The following KHDRBS2 variants were observed in gnomAD, a reference collection of about 807,000 sequenced individuals.
The protein encoded by KHDRBS2 is KH RNA binding domain containing, signal transduction associated 2.
KHDRBS2 carries 26 observed loss-of-function variants against 44.3 expected under a neutral mutation model. That is an observed-to-expected ratio of 0.59 (90% CI 0.43 to 0.81). The LOEUF (loss-of-function observed/expected upper bound fraction) is 0.81. Among genes scored for constraint, KHDRBS2 ranks in the 40% least tolerant of loss-of-function variants. The pLI is 0.00. For synonymous variants in KHDRBS2, 194 were observed against 151.1 expected (o/e 1.28, Z -2.08); for missense variants, 476 against 433.1 (o/e 1.10, Z -0.88).
intron 6 of KHDRBS2, among the ~76,000 whole-genome samples, chr6:61,873,532 G>A (rs533893818): frequency 2.0e-5 from 3 of 151,284 alleles, no homozygotes; most frequent in South Asian, 2.1e-4. Context: ...TATCTGCCTA[G>A]AAGAACAATT....
chr6:62,081,718 T>C (rs1424833328), intron 2 of KHDRBS2, among the ~76,000 whole-genome samples: 2 of 152,138 alleles, frequency 1.3e-5, no homozygotes, highest in Admixed American at 6.6e-5. Context: ...TATAAAACTA[T>C]GCAATTAAAT....
At chr6:61,648,112 C>T in the KHDRBS2 span, among the ~76,000 whole-genome samples, 13 of 151,972 alleles carry the variant, frequency 8.6e-5, no homozygotes, top group African/African-American at 2.9e-4. Flanking sequence ...CCTATTTTTT[C>T]TTTTATTTTA....
At chr6:62,122,679 T>C (rs1294000628) in intron 2 of KHDRBS2, among the ~76,000 whole-genome samples, 1 of 152,092 alleles carries the variant, frequency 6.6e-6, no homozygotes, top group African/African-American at 2.4e-5. Context: ...GAGTGGTGTC[T>C]GCATACGTGG....
intron 4 of KHDRBS2, among the ~76,000 whole-genome samples, chr6:61,909,940 C>T (rs1805746040): frequency 6.6e-6 from 1 of 152,166 alleles, no homozygotes; most frequent in East Asian, 1.9e-4. Flanking sequence ...CCACTGGTAA[C>T]ATGTGAACAT....
chr6:61,887,628 A>T (rs1801161700), intron 6 of KHDRBS2, among the ~76,000 whole-genome samples: 1 of 152,188 alleles, frequency 6.6e-6, no homozygotes, highest in Non-Finnish European at 1.5e-5. Flanking sequence ...TGTGGTCAGA[A>T]ATTTAATGCT....
the KHDRBS2 span, among the ~76,000 whole-genome samples, chr6:61,564,422 T>G: frequency 6.6e-6 from 1 of 152,242 alleles, no homozygotes; most frequent in African/African-American, 2.4e-5. Context: ...TGGGGCCAGC[T>G]TTACATGGCC....
chr6:61,586,748 C>T, the KHDRBS2 span, among the ~76,000 whole-genome samples: 3 of 151,942 alleles, frequency 2.0e-5, no homozygotes, highest in African/African-American at 7.2e-5. Context: ...AAGAATAAAG[C>T]CAGCCCAGAA....
chr6:61,571,546 C>T, the KHDRBS2 span, among the ~76,000 whole-genome samples: 1 of 151,840 alleles, frequency 6.6e-6, no homozygotes, highest in Non-Finnish European at 1.5e-5. Context: ...TGAAACTATA[C>T]CCTAGAAAAA....
chr6:62,035,826 G>A (rs1785183734), intron 3 of KHDRBS2, among the ~76,000 whole-genome samples: 1 of 151,940 alleles, frequency 6.6e-6, no homozygotes, highest in Admixed American at 6.6e-5. Flanking sequence ...TAACAGCGTG[G>A]CTCTGGTCAT....
the KHDRBS2 span, among the ~76,000 whole-genome samples, chr6:61,664,364 C>G: frequency 1.6e-4 from 24 of 151,452 alleles, no homozygotes; most frequent in African/African-American, 5.6e-4. Flanking sequence ...CTAATATATC[C>G]AAATACTGGG....
At chr6:61,764,660 G>A (rs1779736153) in intron 6 of KHDRBS2, among the ~76,000 whole-genome samples, 1 of 151,928 alleles carries the variant, frequency 6.6e-6, no homozygotes, top group South Asian at 2.1e-4. Flanking sequence ...ATGTTTGTTT[G>A]CTGTATATAT....
intron 6 of KHDRBS2, among the ~76,000 whole-genome samples, chr6:61,815,306 A>G (rs1788744168): frequency 6.6e-6 from 1 of 152,176 alleles, no homozygotes; most frequent in East Asian, 1.9e-4. Flanking sequence ...CATACAATTT[A>G]AAACTTAACA....
chr6:62,091,867 C>A (rs1584640034), intron 2 of KHDRBS2, among the ~76,000 whole-genome samples: 1 of 152,076 alleles, frequency 6.6e-6, no homozygotes, highest in South Asian at 2.1e-4. Context: ...GTAAAGCATT[C>A]AGAACAGTGA....
At chr6:61,937,570 A>G (rs1811266771) in intron 4 of KHDRBS2, among the ~76,000 whole-genome samples, 1 of 151,990 alleles carries the variant, frequency 6.6e-6, no homozygotes, top group Non-Finnish European at 1.5e-5. Flanking sequence ...CTTCTACTAT[A>G]TGAGTATCGG....
intron 3 of KHDRBS2, among the ~76,000 whole-genome samples, chr6:62,029,737 T>C (rs1221671586): frequency 6.6e-6 from 1 of 151,970 alleles, no homozygotes; most frequent in Non-Finnish European, 1.5e-5. Flanking sequence ...TTAGAAGACC[T>C]GTAGATTTTC....
rs1356268718 is a variant in KHDRBS2 at position 61,955,528 on chromosome 6, A to G, written c.483+22538T>C. Among the ~76,000 whole-genome samples the G allele has an allele frequency of 4.9e-5, 2 of 40,922 alleles. 1 individual carries two copies. The highest frequency in any genetic ancestry group is 2.4e-4 in the African/African-American group (2 of 8,266). 26.8% of individuals were successfully genotyped at this position (40,922 alleles called of 152,430 possible). ...TATATACACATATGTATGTATGTAT[A>G]CATGTGTATATATACACATATGTAT... On this transcript the variant is annotated intron_variant, in intron 4 of 8. Transcript: ENST00000281156.
chr6:61,574,415 A>C, the KHDRBS2 span: 5 of 1,518,056 alleles, frequency 3.3e-6, no homozygotes, highest in Non-Finnish European at 4.4e-6. Flanking sequence ...CAACAAGACG[A>C]GAAGACCATA....
At chr6:61,634,845 A>C in the KHDRBS2 span, among the ~76,000 whole-genome samples, 4 of 152,046 alleles carry the variant, frequency 2.6e-5, no homozygotes, top group African/African-American at 9.7e-5. Context: ...GATACTTAAA[A>C]ATTGCTTTTG....
the KHDRBS2 span, among the ~76,000 whole-genome samples, chr6:61,545,853 C>T: frequency 2.0e-5 from 3 of 151,976 alleles, no homozygotes; most frequent in Admixed American, 1.3e-4. Context: ...CTCATGAGTG[C>T]CTGCACCAAG....
Sources: allele counts gnomAD v4.1 joint callset (sites outside exome capture counted in the v4.1 genomes callset), GRCh38; gene constraint gnomAD v4.1.1; transcripts MANE v1.5; gene names NCBI Gene and HGNC (gene_info 2026-07-23, HGNC 2026-07-21).